GRID2IP: variants seen among roughly 807,000 people sequenced by gnomAD.
GRID2IP encodes the protein delphilin.
GRID2IP carries 78 observed loss-of-function variants against 114.3 expected under a neutral mutation model. The observed-to-expected ratio is 0.68, with a 90% CI of 0.57 to 0.82. The LOEUF is 0.82. Among genes scored for constraint, GRID2IP ranks in the 40% least tolerant of loss-of-function variants. The probability of loss-of-function intolerance (pLI) is 0.00; values close to 1 mark genes in which losing one functional copy is unlikely to be tolerated. For missense variants in GRID2IP, 1,727 were observed against 1,678.5 expected, an observed-to-expected ratio of 1.03 and a Z score of -0.51; for synonymous variants, 809 against 724.0, an observed-to-expected ratio of 1.12 and a Z score of -1.89.
At chr7:6,510,763 A>T in intron 9 of GRID2IP, 57 bp from the exon 10 acceptor site, 1 of 1,510,370 alleles carries the variant, frequency 6.6e-7, no homozygotes, top group South Asian at 1.2e-5. Flanking sequence ...GCCCCGGCCC[A>T]GAACCAACAT....
In GRID2IP at chr7:6,526,019, T is replaced by C. The variant is rs1583346680; in HGVS notation, c.919+205A>G. Reference sequence around the variant, plus strand: ...CCAACTCAGGCAGAAGGCTCTGGCCTCAAGCATCTTAGGTAGGAATGGGAT... The same window carrying C: ...CCAACTCAGGCAGAAGGCTCTGGCCCCAAGCATCTTAGGTAGGAATGGGAT... On this transcript the variant is annotated intron_variant, in intron 4 of 21. Transcript: ENST00000457091. This position sits in a 1 kb window ranked among gnomAD's most constrained non-coding sequence, Gnocchi z 7.6. 6.6e-6 allele frequency among the ~76,000 whole-genome samples: 1 copy of C among 152,196 alleles called. No homozygotes were observed. Among genetic ancestry groups the C allele is most frequent in the East Asian group, 1.9e-4 (1 of 5,184 alleles).
At chr7:6,518,727 TC>T (rs1357352104) in intron 7 of GRID2IP, among the ~76,000 whole-genome samples, 1 of 151,628 alleles carries the variant, frequency 6.6e-6, no homozygotes, top group Non-Finnish European at 1.5e-5. Context: ...AGAGTAAGAC[TC>T]CATCTCAAAC....
In GRID2IP at chr7:6,536,824, TACTC is replaced by T. The variant is rs1398362885; in HGVS notation, c.584+2890_584+2893del. ...TTCTCCTAGCAAGGGGCTCACCCCT[TACTC>T]ACCCCAGGCAGCTCATGGTGGCCTC... On this transcript the variant is annotated intron_variant, in intron 2 of 21. Transcript: ENST00000457091. The surrounding 1 kb of genome is among the most constrained non-coding windows in gnomAD (Gnocchi z 5.3). 4 of 673,544 alleles carry T rather than the reference TACTC, an allele frequency of 5.9e-6. No homozygotes were observed. Among genetic ancestry groups the T allele is most frequent in the Non-Finnish European group, 1.1e-5 (4 of 367,998 alleles). The allele number at this position is 673,544 out of a possible 1,614,324, so 41.7% of individuals were successfully genotyped here. A position where few individuals can be genotyped will look rare whatever the true frequency, so the allele number is the denominator to read the frequency against.
chr7:6,510,203 G>A (rs1583337506), intron 11 of GRID2IP, 80 bp downstream of exon 11: 1 of 910,604 alleles, frequency 1.1e-6, no homozygotes, highest in South Asian at 1.6e-5. Context: ...GACCCTGATG[G>A]AGCAGAGAAG....
chr7:6,551,272 C>T lies in GRID2IP; in HGVS notation c.165G>A (p.Leu55=). The change falls in exon 1 of 22, where the codon CTG becomes CTA. Residue 55 remains leucine, a synonymous_variant. Transcript: ENST00000457091. ...PGDQILEVEG[L]AVGGLSRERL... ...GCTCGCGGCTCAGACCGCCCACCGC[C>T]AGCCCCTCCACCTCCAGGATCTGGT... is the stretch of plus-strand genomic sequence containing the variant. 3 of 1,538,922 alleles carry T rather than the reference C, an allele frequency of 1.9e-6. No individual in the cohort carries two copies. The highest frequency in any genetic ancestry group is 4.9e-5 in the East Asian group (2 of 40,842).
rs1353309297 is a variant in GRID2IP, at chr7:6,516,110, T to A, written c.1269-1581A>T. 6.4e-5 allele frequency among the ~76,000 whole-genome samples: 4 copies of A among 62,246 alleles called. No homozygotes were observed. The South Asian group carries it at 1.7e-3, about 26-fold the overall frequency. 40.8% of individuals were successfully genotyped at this position (62,246 alleles called of 152,430 possible). A position where few individuals can be genotyped will look rare whatever the true frequency, so the allele number is the denominator to read the frequency against. On this transcript the variant is annotated intron_variant, in intron 7 of 21. Coordinates refer to ENST00000457091, the MANE Select transcript of GRID2IP (RefSeq NM_001145118.2). This position sits in a 1 kb window ranked among gnomAD's most constrained non-coding sequence, Gnocchi z 4.3. Reference sequence around the variant, plus strand: ...AGACCCCGTCTCAAAATAATAATAATAAAAAATAAATAAATAAATAAATAA... The same window carrying A: ...AGACCCCGTCTCAAAATAATAATAAAAAAAAATAAATAAATAAATAAATAA...
chr7:6,510,866 A>G, intron 9 of GRID2IP, 42 bp downstream of exon 9: 1 of 1,541,466 alleles, frequency 6.5e-7, no homozygotes, highest in Non-Finnish European at 8.8e-7. Flanking sequence ...CAGGTGGGAA[A>G]ACTGAGCTCC....
Position 6,521,301 on chromosome 7 carries a change from G to T in GRID2IP, c.1084+128C>A. 1 of 632,758 alleles carries T rather than the reference G, an allele frequency of 1.6e-6. No homozygotes were observed. Among genetic ancestry groups the T allele is most frequent in the Non-Finnish European group, 2.7e-6 (1 of 366,274 alleles). 39.2% of individuals were successfully genotyped at this position (632,758 alleles called of 1,614,324 possible). A position where few individuals can be genotyped will look rare whatever the true frequency, so the allele number is the denominator to read the frequency against. The stretch of plus-strand genomic sequence containing the variant: ...GGGGTTCTATAGCACCACTTAGGAG[G>T]CAGCCCCGGGGAGGCAAGCTGCAGG... On this transcript the variant is annotated intron_variant, in intron 6 of 21. Coordinates refer to ENST00000457091, the MANE Select transcript of GRID2IP (RefSeq NM_001145118.2). The surrounding 1 kb of genome is among the most constrained non-coding windows in gnomAD (Gnocchi z 4.1).
In GRID2IP at chr7:6,513,686, C is replaced by T. The variant is rs554257262; in HGVS notation, c.1423+689G>A. On this transcript the variant is annotated intron_variant, in intron 8 of 21. Transcript: ENST00000457091. ...CTGCATAAAGGTCACGCTGGGAAGG[C>T]GCGTCCGTGGGGCCACGTGTGGGCC... Among the ~76,000 whole-genome samples, 37 of 152,260 alleles carry T rather than the reference C, an allele frequency of 2.4e-4. 1 individual carries two copies. The highest frequency in any genetic ancestry group is 3.4e-3 in the Middle Eastern group (1 of 294).
At chr7:6,503,965 C>A (rs1786498613) in intron 15 of GRID2IP, among the ~76,000 whole-genome samples, 1 of 145,324 alleles carries the variant, frequency 6.9e-6, no homozygotes, top group African/African-American at 2.6e-5. Context: ...TGAGCAGGGG[C>A]CGGGAGAGGG....
intron 20 of GRID2IP, among the ~76,000 whole-genome samples, chr7:6,499,337 T>C (rs1384116429): frequency 6.6e-6 from 1 of 152,168 alleles, no homozygotes; most frequent in Non-Finnish European, 1.5e-5. Context: ...GACTTGCCCA[T>C]AGTCCCACAG....
At chr7:6,540,273 C>T (rs911094747) in intron 1 of GRID2IP, among the ~76,000 whole-genome samples, 13 of 149,670 alleles carry the variant, frequency 8.7e-5, no homozygotes, top group East Asian at 2.1e-4. Flanking sequence ...CCACCACGCC[C>T]GGCTGATTTT....
At chr7:6,539,577 T>C (rs1457594363) in intron 2 of GRID2IP, 141 bp downstream of exon 2, 2 of 789,324 alleles carry the variant, frequency 2.5e-6, no homozygotes, top group Non-Finnish European at 3.9e-6. Context: ...CTTGCAGTTA[T>C]GTTGCGATGC....
At position 6,526,276 on chromosome 7, in the gene GRID2IP, G is replaced by A. The variant is rs749440816; in HGVS notation, c.867C>T (p.Phe289=). Residue 289 remains phenylalanine, a synonymous_variant, in exon 4 of 22, where the codon TTC becomes TTT. Coordinates refer to ENST00000457091, the MANE Select transcript of GRID2IP (RefSeq NM_001145118.2). The surrounding 1 kb of genome is among the most constrained non-coding windows in gnomAD (Gnocchi z 7.6). ...GCCCGTGGCCGCGAAGTGTGAAGCC[G>A]AAGCTCTTGTTGCCTTTGTAGACTC... ...TVRVYKGNKS[F]GFTLRGHGPV... is the part of the protein sequence containing the mutation. The A allele has an allele frequency of 1.6e-5, 25 of 1,551,922 alleles. No individual in the cohort carries two copies. Among genetic ancestry groups the A allele is most frequent in the African/African-American group, 6.8e-5 (5 of 73,046 alleles).
At chr7:6,513,675 C>T (rs911308355) in intron 8 of GRID2IP, among the ~76,000 whole-genome samples, 1 of 152,178 alleles carries the variant, frequency 6.6e-6, no homozygotes, top group Admixed American at 6.5e-5. Context: ...ATAAAGGTCA[C>T]GCTGGGAAGG....
intron 2 of GRID2IP, among the ~76,000 whole-genome samples, chr7:6,530,598 C>T (rs1157919725): frequency 6.6e-6 from 1 of 151,492 alleles, no homozygotes; most frequent in African/African-American, 2.4e-5. Context: ...CTTTATCTCA[C>T]CTTTGATCAT....
intron 2 of GRID2IP, among the ~76,000 whole-genome samples, chr7:6,529,165 TGTC>T (rs879328311): frequency 1.7e-3 from 266 of 152,194 alleles, no homozygotes; most frequent in Middle Eastern, 0.01. Flanking sequence ...GAAAAGGCCC[TGTC>T]GTCCGGGCGC....
chr7:6,505,871 T>C lies in GRID2IP; in HGVS notation c.2581A>G (p.Met861Val). 1.9e-6 allele frequency: 3 copies of C among 1,552,096 alleles called. No homozygotes were observed. The highest frequency in any genetic ancestry group is 1.7e-4 in the Middle Eastern group (1 of 5,994). Reference protein sequence around the residue: ...EDSDYDKLSDMVKYLDLELHF... With the variant: ...EDSDYDKLSDVVKYLDLELHF... ...AGCTCCAGGTCGAGGTATTTCACCA[T>C]GTCACTCAGCTTATCGTAGTCAGAG... is the stretch of plus-strand genomic sequence containing the variant. The change falls in exon 14 of 22, where the codon ATG becomes GTG. Residue 861 changes from methionine (M) to valine (V), a missense_variant. Met to Val is a conservative substitution (Grantham distance 21). Transcript: ENST00000457091.
Position 6,511,204 on chromosome 7 carries a change from G to C in GRID2IP, c.1424-165C>G, listed in dbSNP as rs149245198. Among the ~76,000 whole-genome samples the C allele has an allele frequency of 9.0e-3, 1,376 of 152,308 alleles. 14 individuals are homozygous for C. Among genetic ancestry groups the C allele is most frequent in the Non-Finnish European group, 0.014 (960 of 68,010 alleles). ...GAACAGCTCTTGAGGGGAAGCCCCA[G>C]GGCAAGAAACCAGGTGCCAGGAGCA... is the stretch of plus-strand genomic sequence containing the variant. On this transcript the variant is annotated intron_variant, in intron 8 of 21. Transcript: ENST00000457091.
Sources: gnomAD v4.1 joint callset for allele counts (sites outside exome capture counted in the v4.1 genomes callset) on GRCh38, gnomAD v4.1.1 for gene constraint, Gnocchi (gnomAD v3.1) non-coding constraint, MANE v1.5 for transcripts, NCBI Gene and HGNC (gene_info 2026-07-23, HGNC 2026-07-21) for gene names.